GRM7: variants seen among roughly 807,000 people sequenced by gnomAD.
GRM7 encodes glutamate metabotropic receptor 7.
In GRM7, 35 loss-of-function variants were observed where a neutral mutation model predicts 84.5. The ratio of observed to expected loss-of-function variants is 0.41; its 90% confidence interval spans 0.32 to 0.55. The LOEUF is 0.55. Among genes scored for constraint, GRM7 ranks in the 20% least tolerant of loss-of-function variants. GRM7 has a pLI of 0.19. For missense variants in GRM7, 1,003 were observed against 1,194.6 expected (o/e 0.84, Z 2.36); for synonymous variants, 487 against 455.1 (o/e 1.07, Z -0.89).
intron 7 of GRM7, among the ~76,000 whole-genome samples, chr3:7,572,823 AATATATATATAT>A (rs1158871205): frequency 0.014 from 168 of 12,400 alleles, 2 homozygotes; most frequent in African/African-American, 0.023. Flanking sequence ...CTCTATCTCA[AATATATATATAT>A]ATATATATAT....
At chr3:6,955,476 G>A (rs563108074) in intron 1 of GRM7, among the ~76,000 whole-genome samples, 1 of 151,982 alleles carries the variant, frequency 6.6e-6, no homozygotes, top group South Asian at 2.1e-4. Context: ...GTTAGAGGTT[G>A]CAGTGAGCCG....
intron 1 of GRM7, among the ~76,000 whole-genome samples, chr3:7,041,007 T>C (rs1209076718): frequency 6.8e-6 from 1 of 147,360 alleles, no homozygotes; most frequent in African/African-American, 2.5e-5. Context: ...CAGCTGTACC[T>C]GGGAGGTTAA....
chr3:7,573,859 G>A (rs1694828179), intron 7 of GRM7, among the ~76,000 whole-genome samples: 1 of 152,108 alleles, frequency 6.6e-6, no homozygotes, highest in African/African-American at 2.4e-5. Flanking sequence ...AATTATTGGT[G>A]AATTTTTCTG....
At chr3:7,663,362 T>C (rs902897089) in intron 8 of GRM7, among the ~76,000 whole-genome samples, 1 of 152,162 alleles carries the variant, frequency 6.6e-6, no homozygotes, top group Non-Finnish European at 1.5e-5. Flanking sequence ...ATTTGCAGGA[T>C]GCCCAGGGGA....
At chr3:7,022,387 C>T (rs1362163596) in intron 1 of GRM7, among the ~76,000 whole-genome samples, 4 of 71,714 alleles carry the variant, frequency 5.6e-5, no homozygotes, top group Non-Finnish European at 1.1e-4. Flanking sequence ...ACACACACAC[C>T]AGTGGTCAAT....
chr3:7,355,568 A>C (rs548982956), intron 4 of GRM7, among the ~76,000 whole-genome samples: 1 of 152,200 alleles, frequency 6.6e-6, no homozygotes, highest in Admixed American at 6.5e-5. Flanking sequence ...TCTCCTTTAG[A>C]GAGACAGCTT....
intron 7 of GRM7, among the ~76,000 whole-genome samples, chr3:7,473,532 A>AGAGAGAGAGAGAGAGAGAGAGAGAG (rs1553603738): frequency 1.2e-5 from 1 of 83,566 alleles, no homozygotes; most frequent in Non-Finnish European, 2.8e-5. Context: ...GAGAGAGAGA[A>AGAGAGAGAGAGAGAGAGAGAGAGAG]ACACCTTGAC....
At chr3:7,228,812 T>C (rs1697067327) in intron 2 of GRM7, among the ~76,000 whole-genome samples, 1 of 152,230 alleles carries the variant, frequency 6.6e-6, no homozygotes, top group South Asian at 2.1e-4. Flanking sequence ...CCATTGTAGA[T>C]AAAATTGGTT....
At chr3:7,531,668 T>C (rs1701041363) in intron 7 of GRM7, among the ~76,000 whole-genome samples, 1 of 152,234 alleles carries the variant, frequency 6.6e-6, no homozygotes, top group African/African-American at 2.4e-5. Flanking sequence ...CCTGAGACTT[T>C]GCAGAAGTAG....
chr3:7,488,759 T>A (rs1018110), intron 7 of GRM7, among the ~76,000 whole-genome samples: 90,765 of 151,992 alleles, frequency 0.6, 27,474 homozygotes, highest in East Asian at 0.74. Context: ...GCTGACTAAC[T>A]CAGTGTTATG....
chr3:7,511,813 T>A (rs750173050), intron 7 of GRM7, among the ~76,000 whole-genome samples: 16 of 152,140 alleles, frequency 1.1e-4, no homozygotes, highest in Non-Finnish European at 2.2e-4. Flanking sequence ...ATATGTCCAG[T>A]CTTTTTCCTC....
intron 7 of GRM7, among the ~76,000 whole-genome samples, chr3:7,499,839 A>G (rs1699826861): frequency 6.6e-6 from 1 of 151,634 alleles, no homozygotes; most frequent in African/African-American, 2.4e-5. Context: ...CAGTGTTTCA[A>G]TCTCGGCTCA....
chr3:7,057,955 A>G (rs1559411328), intron 1 of GRM7, among the ~76,000 whole-genome samples: 1 of 151,956 alleles, frequency 6.6e-6, no homozygotes, highest in Non-Finnish European at 1.5e-5. Context: ...TTTGTATAAT[A>G]TGTGGTTTTC....
At chr3:7,329,035 C>A (rs1701094201) in intron 4 of GRM7, among the ~76,000 whole-genome samples, 1 of 151,896 alleles carries the variant, frequency 6.6e-6, no homozygotes, top group South Asian at 2.1e-4. Flanking sequence ...AATCTCAGCC[C>A]CCACCCCCAC....
At chr3:6,948,794 C>G (rs1445398092) in intron 1 of GRM7, among the ~76,000 whole-genome samples, 1 of 152,158 alleles carries the variant, frequency 6.6e-6, no homozygotes, top group East Asian at 1.9e-4. Flanking sequence ...GAATTGATCC[C>G]TTTACCATTA....
intron 8 of GRM7, among the ~76,000 whole-genome samples, chr3:7,656,019 G>A (rs1254583480): frequency 6.6e-6 from 1 of 152,160 alleles, no homozygotes; most frequent in Admixed American, 6.5e-5. Context: ...GTTATTTCAG[G>A]AGATTAAGAG....
intron 4 of GRM7, among the ~76,000 whole-genome samples, chr3:7,380,270 A>G (rs2125128905): frequency 1.3e-5 from 2 of 152,320 alleles, no homozygotes; most frequent in African/African-American, 2.4e-5. Flanking sequence ...TTAACATTCC[A>G]TTTTGGAATA....
At chr3:7,234,664 T>C (rs979401780) in intron 2 of GRM7, among the ~76,000 whole-genome samples, 8 of 152,274 alleles carry the variant, frequency 5.3e-5, no homozygotes, top group African/African-American at 1.7e-4. Context: ...TTCAGATATT[T>C]TTCTGGCAAC....
At chr3:7,631,332 G>A (rs890963937) in intron 8 of GRM7, among the ~76,000 whole-genome samples, 7 of 151,622 alleles carry the variant, frequency 4.6e-5, no homozygotes, top group African/African-American at 1.7e-4. Flanking sequence ...CGGCAGTAGG[G>A]AGTATTCAGG....
Sources: allele counts gnomAD v4.1 joint callset (sites outside exome capture counted in the v4.1 genomes callset), GRCh38; gene constraint gnomAD v4.1.1; transcripts MANE v1.5; gene names NCBI Gene and HGNC (gene_info 2026-07-23, HGNC 2026-07-21).